MGAM2: variants seen among roughly 807,000 people sequenced by gnomAD.
MGAM2 encodes probable maltase-glucoamylase 2.
MGAM2 carries 98 observed loss-of-function variants against 96.1 expected under a neutral mutation model. That is an observed-to-expected ratio of 1.02 (90% CI 0.87 to 1.21). MGAM2 has a LOEUF of 1.21. Ranked by LOEUF, MGAM2 falls within the 50% of genes most tolerant of loss-of-function variation. MGAM2 has a pLI of 0.00. For synonymous variants in MGAM2, 749 were observed against 414.8 expected, an observed-to-expected ratio of 1.81 and a Z score of -9.79; for missense variants, 2,055 against 1,182.4, an observed-to-expected ratio of 1.74 and a Z score of -10.82.
intron 25 of MGAM2, 96 bp downstream of exon 25, chr7:142,166,349 C>A (rs1796026156): frequency 3.5e-6 from 2 of 572,664 alleles, no homozygotes; most frequent in Non-Finnish European, 6.2e-6. Context: ...AAAACCAGGA[C>A]CCTGTGCAAC....
rs187698952 is a variant in MGAM2 at position 142,120,378 on chromosome 7, C to T, written c.183C>T (p.Thr61=). 9 of 702,364 alleles carry T rather than the reference C, an allele frequency of 1.3e-5. No homozygotes were observed. The highest frequency in any genetic ancestry group is 2.3e-4 in the Middle Eastern group (1 of 4,370). The allele number at this position is 702,364 out of a possible 1,614,324, so 43.5% of individuals were successfully genotyped here. A position where few individuals can be genotyped will look rare whatever the true frequency, so the allele number is the denominator to read the frequency against. The change falls in exon 3 of 48, where the codon ACC becomes ACT. Residue 61 remains threonine (T), a synonymous_variant. Coordinates refer to ENST00000477922, the MANE Select transcript of MGAM2 (RefSeq NM_001293626.2). ...ACTGCACACCTGACCAGGAGGTGAC[C>T]GAGGTCAGAGAAATAAGGTCCCTTT... ...RIDCTPDQEV[T]EDICRWQYKC...
intron 32 of MGAM2, among the ~76,000 whole-genome samples, chr7:142,181,825 A>G (rs1796552673): frequency 6.6e-6 from 1 of 152,162 alleles, no homozygotes; most frequent in African/African-American, 2.4e-5. Context: ...ATATGGTGCC[A>G]TGATCCAGTA....
chr7:142,132,559 T>C (rs1188549254), intron 6 of MGAM2, among the ~76,000 whole-genome samples: 4 of 131,500 alleles, frequency 3.0e-5, no homozygotes, highest in African/African-American at 8.8e-5. Flanking sequence ...TAATTATACA[T>C]TCCATATACT....
rs1796356372 is a variant in MGAM2, at chr7:142,175,785, G to A, written c.3816+5G>A. On this transcript the variant is annotated splice_donor_5th_base_variant and intron_variant, in intron 32 of 47. Transcript: ENST00000477922. ...ATGAGATTTATTCTCATTTTGGTATGTATTGAGACAGATCAGATCCTACTT... is the reference window on the plus strand; with the variant it reads ...ATGAGATTTATTCTCATTTTGGTATATATTGAGACAGATCAGATCCTACTT... 1 of 702,282 alleles carries A rather than the reference G, an allele frequency of 1.4e-6. No individual in the cohort carries two copies. The highest frequency in any genetic ancestry group is 1.7e-5 in the African/African-American group (1 of 57,210). 43.5% of individuals were successfully genotyped at this position (702,282 alleles called of 1,614,324 possible).
chr7:142,115,318 T>G (rs1305955299), intron 1 of MGAM2, among the ~76,000 whole-genome samples: 1 of 152,202 alleles, frequency 6.6e-6, no homozygotes, highest in Non-Finnish European at 1.5e-5. Context: ...TGAGCCTCGG[T>G]GGCATCTCCC....
At chr7:142,214,888 TGTGG>T (rs1201637305) in intron 46 of MGAM2, among the ~76,000 whole-genome samples, 2 of 152,162 alleles carry the variant, frequency 1.3e-5, no homozygotes, top group African/African-American at 4.8e-5. Flanking sequence ...TGGAAGACAG[TGTGG>T]TGATTCCTCA....
At position 142,148,811 on chromosome 7, in the gene MGAM2, A is replaced by G. The variant is rs4726492; in HGVS notation, c.1634+1238A>G. On this transcript the variant is annotated intron_variant, in intron 15 of 47. Coordinates refer to ENST00000477922, the MANE Select transcript of MGAM2 (RefSeq NM_001293626.2). This position sits in a 1 kb window ranked among gnomAD's most constrained non-coding sequence, Gnocchi z 4.2. The stretch of plus-strand genomic sequence containing the variant: ...CTAGAGCACTGTTGTGCTCTACAAG[A>G]CAGGGAGACTTTGATGGGTTTATGG... 0.27 allele frequency among the ~76,000 whole-genome samples: 40,848 copies of G among 152,016 alleles called. 6,579 individuals are homozygous for G. Among genetic ancestry groups the G allele is most frequent in the East Asian group, 0.45 (2,349 of 5,166 alleles).
At chr7:142,127,806 T>C (rs925359482) in intron 3 of MGAM2, among the ~76,000 whole-genome samples, 4 of 152,234 alleles carry the variant, frequency 2.6e-5, no homozygotes, top group Non-Finnish European at 4.4e-5. Flanking sequence ...GTGAGTCCAT[T>C]AAATGTCTTT....
At position 142,220,211 on chromosome 7, in the gene MGAM2, A is replaced by T. The variant is rs900998598; in HGVS notation, c.5700A>T (p.Thr1900=). Residue 1900 remains threonine (T), a synonymous_variant, in exon 48 of 48, where the codon ACA becomes ACT. Coordinates refer to ENST00000477922, the MANE Select transcript of MGAM2 (RefSeq NM_001293626.2). ...NASTNATVPI[T]TTPFPTSTIG... The stretch of plus-strand genomic sequence containing the variant: ...GCACTAATGCTACTGTTCCTATCAC[A>T]ACCACACCTTTCCCAACAAGTACTA... The T allele has an allele frequency of 1.4e-6, 1 of 702,654 alleles. No homozygotes were observed. Among genetic ancestry groups the T allele is most frequent in the African/African-American group, 1.7e-5 (1 of 57,196 alleles). The allele number at this position is 702,654 out of a possible 1,614,324, so 43.5% of individuals were successfully genotyped here.
intron 32 of MGAM2, among the ~76,000 whole-genome samples, chr7:142,181,964 G>T (rs1433802275): frequency 1.3e-5 from 2 of 152,272 alleles, no homozygotes; most frequent in Non-Finnish European, 2.9e-5. Flanking sequence ...CACCCAGATT[G>T]TTGGTCTGTT....
intron 7 of MGAM2, among the ~76,000 whole-genome samples, chr7:142,134,673 A>G (rs1309732103): frequency 2.6e-5 from 4 of 151,994 alleles, no homozygotes; most frequent in African/African-American, 9.7e-5. Context: ...CCAAATATGC[A>G]TTTTTGCAAG....
At chr7:142,206,419 A>G (rs767062887) in intron 45 of MGAM2, among the ~76,000 whole-genome samples, 8 of 152,140 alleles carry the variant, frequency 5.3e-5, no homozygotes, top group Non-Finnish European at 1.2e-4. Flanking sequence ...TAACTACATG[A>G]TCTCTAAATA....
In MGAM2 at chr7:142,221,734, C is replaced by T; in HGVS notation, c.7223C>T (p.Thr2408Ile). 2.4e-6 allele frequency: 1 copy of T among 408,918 alleles called. No individual in the cohort carries two copies. The highest frequency in any genetic ancestry group is 1.1e-4 in the South Asian group (1 of 9,140). 25.3% of individuals were successfully genotyped at this position (408,918 alleles called of 1,614,324 possible). A position where few individuals can be genotyped will look rare whatever the true frequency, so the allele number is the denominator to read the frequency against. ...TTAAGCCACACCTCATTAGCTCCTA[C>T]AAATCTTTCTAATCTAGGCACCATG... ...LALSHTSLAP[T>I]NLSNLGTMDI... Residue 2408 changes from threonine (T) to isoleucine (I), a missense_variant, in exon 48 of 48, where the codon ACA becomes ATA. Physicochemically the swap from Thr to Ile is moderately conservative, Grantham distance 89 (BLOSUM62 -1). Coordinates refer to ENST00000477922, the MANE Select transcript of MGAM2 (RefSeq NM_001293626.2).
At chr7:142,128,520 A>T (rs11984412) in intron 3 of MGAM2, among the ~76,000 whole-genome samples, 4,192 of 152,264 alleles carry the variant, frequency 0.028, 233 homozygotes, top group African/African-American at 0.097. Flanking sequence ...CCTCGGACAG[A>T]AAAATGGTTC....
At chr7:142,187,661 A>C in intron 35 of MGAM2, 89 bp from the exon 36 acceptor site, 1 of 646,814 alleles carries the variant, frequency 1.5e-6, no homozygotes, top group Non-Finnish European at 2.8e-6. Context: ...TGAGGGCTTC[A>C]AAAGTCATCT....
chr7:142,214,561 GA>G (rs1005807359), intron 46 of MGAM2, among the ~76,000 whole-genome samples: 1 of 152,098 alleles, frequency 6.6e-6, no homozygotes, highest in African/African-American at 2.4e-5. Flanking sequence ...TTGCTACAAA[GA>G]GAAGAAGATA....
At position 142,221,220 on chromosome 7, in the gene MGAM2, A is replaced by G. The variant is rs985337533; in HGVS notation, c.6709A>G (p.Met2237Val). The G allele has an allele frequency of 2.8e-6, 2 of 701,778 alleles. No homozygotes were observed. Among genetic ancestry groups the G allele is most frequent in the African/African-American group, 3.5e-5 (2 of 57,204 alleles). 43.5% of individuals were successfully genotyped at this position (701,778 alleles called of 1,614,324 possible). A position where few individuals can be genotyped will look rare whatever the true frequency, so the allele number is the denominator to read the frequency against. Residue 2237 changes from methionine (M) to valine (V), a missense_variant, in exon 48 of 48, where the codon ATG becomes GTG. Physicochemically the swap from Met to Val is conservative, Grantham distance 21. Coordinates refer to ENST00000477922, the MANE Select transcript of MGAM2 (RefSeq NM_001293626.2). The part of the protein sequence containing the change: ...DVASTNNDAS[M>V]TNFLLATMSA... ...TGCTAGCACAAATAATGATGCTTCT[A>G]TGACAAATTTTCTTTTAGCTACAAT...
intron 47 of MGAM2, among the ~76,000 whole-genome samples, chr7:142,219,337 T>C (rs1443795465): frequency 1.3e-5 from 2 of 152,224 alleles, no homozygotes; most frequent in African/African-American, 4.8e-5. Context: ...CTTCTCCCTC[T>C]AGGCTCTTCT....
chr7:142,199,580 C>T (rs145821041), intron 44 of MGAM2, among the ~76,000 whole-genome samples: 4 of 152,270 alleles, frequency 2.6e-5, no homozygotes, highest in East Asian at 3.9e-4. Flanking sequence ...CTGGAAGCTA[C>T]TGAGGATTCT....
Sources: gnomAD v4.1 joint callset for allele counts (sites outside exome capture counted in the v4.1 genomes callset) on GRCh38, gnomAD v4.1.1 for gene constraint, Gnocchi (gnomAD v3.1) non-coding constraint, MANE v1.5 for transcripts, NCBI Gene and HGNC (gene_info 2026-07-23, HGNC 2026-07-21) for gene names.